FSIP1: variants seen among roughly 807,000 people sequenced by gnomAD.
FSIP1 encodes fibrous sheath-interacting protein 1.
In FSIP1, 65 loss-of-function variants were observed where a neutral mutation model predicts 60.9. The observed-to-expected ratio is 1.07, with a 90% CI of 0.87 to 1.31. FSIP1 has a LOEUF of 1.31. Among genes scored for constraint, FSIP1 ranks in the 40% most tolerant of loss-of-function variants. FSIP1 has a pLI of 0.00. For missense variants in FSIP1, 675 were observed against 665.5 expected, an observed-to-expected ratio of 1.01 and a Z score of -0.16; for synonymous variants, 209 against 221.2, an observed-to-expected ratio of 0.94 and a Z score of 0.49.
chr15:39,641,176 C>T (rs1278277701), intron 10 of FSIP1, among the ~76,000 whole-genome samples: 2 of 152,014 alleles, frequency 1.3e-5, no homozygotes, highest in African/African-American at 2.4e-5. Flanking sequence ...CATAAGGAAG[C>T]TAACACATTA....
rs1451996607 is a variant in FSIP1 at position 39,613,791 on chromosome 15, G to A, written c.1699+3944C>T. Among the ~76,000 whole-genome samples, 4 of 152,230 alleles carry A rather than the reference G, an allele frequency of 2.6e-5. No individual in the cohort carries two copies. The East Asian group carries it at 5.8e-4, about 22-fold the overall frequency. On this transcript the variant is annotated intron_variant, in intron 11 of 11. Transcript: ENST00000350221. ...GGCTTTATCCCTGGTATGCAAGGAT[G>A]GTTCAGCATATGCAAATTAATAAGT...
intron 10 of FSIP1, among the ~76,000 whole-genome samples, chr15:39,692,190 C>T (rs556952389): frequency 1.3e-5 from 2 of 152,290 alleles, no homozygotes; most frequent in South Asian, 2.1e-4. Flanking sequence ...GACTTGTACG[C>T]CACACCAGCT....
intron 10 of FSIP1, among the ~76,000 whole-genome samples, chr15:39,628,195 G>A (rs1891722885): frequency 6.6e-6 from 1 of 152,164 alleles, no homozygotes; most frequent in Admixed American, 6.5e-5. Context: ...AGAGTCAAAG[G>A]AGAAAATCCT....
chr15:39,604,641 C>CAGAGATGGTCA (rs1352858640), intron 11 of FSIP1, among the ~76,000 whole-genome samples: 1 of 151,954 alleles, frequency 6.6e-6, no homozygotes, highest in Admixed American at 6.6e-5. Context: ...ATATTTTGAC[C>CAGAGATGGTCA]AAATAAACTC....
intron 10 of FSIP1, among the ~76,000 whole-genome samples, chr15:39,658,775 T>C (rs750317740): frequency 6.6e-6 from 1 of 152,212 alleles, no homozygotes; most frequent in Admixed American, 6.5e-5. Context: ...AGCAAAACAT[T>C]GAGCTGCCGT....
chr15:39,674,296 C>T (rs1203237938), intron 10 of FSIP1, among the ~76,000 whole-genome samples: 3 of 152,068 alleles, frequency 2.0e-5, no homozygotes, highest in Non-Finnish European at 4.4e-5. Flanking sequence ...CCTTGTGATC[C>T]GCCCGCCTCG....
intron 10 of FSIP1, among the ~76,000 whole-genome samples, chr15:39,670,192 T>C (rs1367666492): frequency 6.6e-6 from 1 of 152,190 alleles, no homozygotes; most frequent in Admixed American, 6.5e-5. Context: ...GAATCAGATA[T>C]GCATAGAGCC....
intron 10 of FSIP1, among the ~76,000 whole-genome samples, chr15:39,676,404 C>T (rs1490919847): frequency 4.6e-5 from 7 of 152,124 alleles, no homozygotes; most frequent in Non-Finnish European, 8.8e-5. Context: ...GTAAGGAAAT[C>T]TCTTTAGCTC....
At chr15:39,650,840 A>G (rs884584) in intron 10 of FSIP1, among the ~76,000 whole-genome samples, 33,874 of 152,238 alleles carry the variant, frequency 0.22, 5,186 homozygotes, top group African/African-American at 0.42. Context: ...TCTTACTAAT[A>G]TAATAATAGC....
At chr15:39,672,393 T>A (rs1194165549) in intron 10 of FSIP1, among the ~76,000 whole-genome samples, 1 of 152,196 alleles carries the variant, frequency 6.6e-6, no homozygotes, top group Non-Finnish European at 1.5e-5. Flanking sequence ...GGCTTGGCTG[T>A]GAGCAACACT....
chr15:39,668,016 C>T (rs566496400), intron 10 of FSIP1, among the ~76,000 whole-genome samples: 3 of 152,078 alleles, frequency 2.0e-5, no homozygotes, highest in South Asian at 4.1e-4. Flanking sequence ...GAGTGAAGAA[C>T]GGGGTTGAAA....
chr15:39,714,635 A>G (rs1216233181), intron 9 of FSIP1, among the ~76,000 whole-genome samples: 1 of 151,396 alleles, frequency 6.6e-6, no homozygotes, highest in Non-Finnish European at 1.5e-5. Flanking sequence ...CCAGGAAAAA[A>G]TCCGAAGGAC....
chr15:39,766,954 A>G (rs774004436), intron 3 of FSIP1, among the ~76,000 whole-genome samples: 7 of 152,040 alleles, frequency 4.6e-5, no homozygotes, highest in South Asian at 2.1e-4. Context: ...ATCCTCCCAC[A>G]TCAGCTTCTG....
chr15:39,728,545 T>C (rs560433584), intron 8 of FSIP1, among the ~76,000 whole-genome samples: 1 of 152,294 alleles, frequency 6.6e-6, no homozygotes, highest in South Asian at 2.1e-4. Context: ...GGAAAAGGAC[T>C]CCTGTTCAAT....
chr15:39,645,024 T>A (rs774788461), intron 10 of FSIP1, among the ~76,000 whole-genome samples: 4 of 152,136 alleles, frequency 2.6e-5, no homozygotes, highest in Non-Finnish European at 5.9e-5. Context: ...GGCCAACAGC[T>A]ATGTGAAAAA....
downstream of FSIP1, chr15:39,597,754 CT>C (rs1289562386): frequency 6.6e-6 from 1 of 152,138 alleles, no homozygotes; most frequent in African/African-American, 2.4e-5. Flanking sequence ...AATAAAATTT[CT>C]TATTAAGGTC....
chr15:39,726,683 T>C lies in FSIP1; in HGVS notation c.956A>G (p.Gln319Arg), dbSNP rs1292382857. ...GYELAVTQHQ[Q>R]LAEIDIKLQE... ...GAGTTTTATATCAATTTCAGCAAGC[T>C]GCTGATGCTGGGTGACTGCAAGTTC... The change falls in exon 9 of 12, where the codon CAG becomes CGG. Residue 319 changes from glutamine to arginine, a missense_variant. Transcript: ENST00000350221. 6.2e-7 allele frequency: 1 copy of C among 1,614,050 alleles called. No homozygotes were observed. Among genetic ancestry groups the C allele is most frequent in the Non-Finnish European group, 8.5e-7 (1 of 1,179,930 alleles).
intron 10 of FSIP1, among the ~76,000 whole-genome samples, chr15:39,707,017 T>C (rs900066883): frequency 1.3e-5 from 2 of 152,156 alleles, no homozygotes; most frequent in African/African-American, 2.4e-5. Context: ...ATATCTGAGG[T>C]ATATACATTA....
At chr15:39,699,802 T>C (rs986471482) in intron 10 of FSIP1, among the ~76,000 whole-genome samples, 1 of 152,234 alleles carries the variant, frequency 6.6e-6, no homozygotes, top group African/African-American at 2.4e-5. Context: ...GAAGCACTGT[T>C]GTTGCTAATA....
Sources: allele counts gnomAD v4.1 joint callset (sites outside exome capture counted in the v4.1 genomes callset), GRCh38; gene constraint gnomAD v4.1.1; transcripts MANE v1.5; gene names NCBI Gene and HGNC (gene_info 2026-07-23, HGNC 2026-07-21).